The following RASAL3 variants were observed in gnomAD, a reference collection of about 807,000 sequenced individuals.
The protein encoded by RASAL3 is RAS protein activator like 3.
Under a neutral mutation model 105.5 loss-of-function variants are expected in RASAL3, and 74 were observed. That is an observed-to-expected ratio of 0.70 (90% CI 0.58 to 0.85). RASAL3 has a LOEUF of 0.85. Among genes scored for constraint, RASAL3 ranks in the 40% least tolerant of loss-of-function variants. The pLI, the probability that RASAL3 is intolerant of heterozygous loss-of-function variation, is 0.00. For missense variants in RASAL3, 1,352 were observed against 1,392.0 expected (o/e 0.97, Z 0.46); for synonymous variants, 579 against 591.6 (o/e 0.98, Z 0.31).
intron 11 of RASAL3, among the ~76,000 whole-genome samples, 172 bp from the exon 12 acceptor site, chr19:15,455,065 A>G (rs1970277046): frequency 2.0e-5 from 3 of 152,170 alleles, no homozygotes. Context: ...TCTGGGCTCT[A>G]GGATTGGGAA....
At position 15,461,124 on chromosome 19, in the gene RASAL3, G is replaced by A; in HGVS notation, c.545-3C>T. 6.2e-7 allele frequency: 1 copy of A among 1,613,898 alleles called. No homozygotes were observed. Among genetic ancestry groups the A allele is most frequent in the Non-Finnish European group, 8.5e-7 (1 of 1,179,858 alleles). ...TTCTGTTTTTCCAGGCATCCGATCT[G>A]TGGGTCGTTATGGGTGGCAGGTTGG... On this transcript the variant is annotated splice_polypyrimidine_tract_variant and splice_region_variant and intron_variant, in intron 4 of 17. Coordinates refer to ENST00000343625, the MANE Select transcript of RASAL3 (RefSeq NM_022904.3).
chr19:15,457,555 G>C lies in RASAL3; in HGVS notation c.1168C>G (p.Leu390Val). 1 of 1,161,020 alleles carries C rather than the reference G, an allele frequency of 8.6e-7. No individual in the cohort carries two copies. Among genetic ancestry groups the C allele is most frequent in the Non-Finnish European group, 1.1e-6 (1 of 938,542 alleles). The allele number at this position is 1,161,020 out of a possible 1,614,324, so 71.9% of individuals were successfully genotyped here. A position where few individuals can be genotyped will look rare whatever the true frequency, so the allele number is the denominator to read the frequency against. Residue 390 changes from leucine (L) to valine (V), a missense_variant, in exon 9 of 18, where the codon CTG becomes GTG. Physicochemically the swap from Leu to Val is conservative, Grantham distance 32. This residue lies in a region of RASAL3 where 920 missense variants were observed against 919.6 expected (regional missense o/e 1.00). Coordinates refer to ENST00000343625, the MANE Select transcript of RASAL3 (RefSeq NM_022904.3). The surrounding 1 kb of genome is among the most constrained non-coding windows in gnomAD (Gnocchi z 8.6). Reference protein sequence around the residue: ...LGRVALALEELDAPRAPAAGL... With the variant: ...LGRVALALEEVDAPRAPAAGL... Reference sequence around the variant, plus strand: ...GCGGCAGGCGCGCGTGGGGCGTCCAGCTCCTCCAGCGCCAGGGCCACGCGG... The same window carrying C: ...GCGGCAGGCGCGCGTGGGGCGTCCACCTCCTCCAGCGCCAGGGCCACGCGG...
In RASAL3 at chr19:15,453,285, G is replaced by A. The variant is rs1321563744; in HGVS notation, c.2492C>T (p.Ser831Phe). ...PVRRPARRRQ[S>F]AGPWPRPKGS... ...TTTGGGTCGCGGCCAGGGCCCCGCA[G>A]ATTGGCGGCGGCGGGCAGGACGCCG... The change falls in exon 15 of 18, where the codon TCT (serine) becomes TTT (phenylalanine). Residue 831 changes from serine to phenylalanine, a missense_variant. Ser to Phe is a radical substitution (Grantham distance 155). This residue lies in a region of RASAL3 where 920 missense variants were observed against 919.6 expected (regional missense o/e 1.00). Coordinates refer to ENST00000343625, the MANE Select transcript of RASAL3 (RefSeq NM_022904.3). This position sits in a 1 kb window ranked among gnomAD's most constrained non-coding sequence, Gnocchi z 4.2. 6.6e-7 allele frequency: 1 copy of A among 1,521,042 alleles called. No individual in the cohort carries two copies. The highest frequency in any genetic ancestry group is 2.5e-5 in the East Asian group (1 of 40,612). The allele number at this position is 1,521,042 out of a possible 1,614,324, so 94.2% of individuals were successfully genotyped here.
Position 15,453,807 on chromosome 19 carries a change from G to A in RASAL3, c.2280-310C>T, listed in dbSNP as rs1335364486. ...AGATGGGGTCTCCCTATGTTGCCCA[G>A]GCTTGTCTTAAGTTCCTGGCCTCAA... On this transcript the variant is annotated intron_variant, in intron 14 of 17. Coordinates refer to ENST00000343625, the MANE Select transcript of RASAL3 (RefSeq NM_022904.3). This position sits in a 1 kb window ranked among gnomAD's most constrained non-coding sequence, Gnocchi z 4.2. Among the ~76,000 whole-genome samples the A allele has an allele frequency of 6.6e-6, 1 of 151,358 alleles. No homozygotes were observed. Among genetic ancestry groups the A allele is most frequent in the African/African-American group, 2.4e-5 (1 of 41,130 alleles).
At chr19:15,455,608 G>C (rs943882273) in intron 11 of RASAL3, among the ~76,000 whole-genome samples, 3 of 152,202 alleles carry the variant, frequency 2.0e-5, no homozygotes, top group African/African-American at 7.2e-5. Context: ...TGCAGCAAAC[G>C]AAACTTCAGG....
chr19:15,462,347 G>A (rs182380536), intron 2 of RASAL3, among the ~76,000 whole-genome samples: 3 of 152,024 alleles, frequency 2.0e-5, no homozygotes, highest in Admixed American at 6.6e-5. Context: ...TTAGCCAGGC[G>A]TGGTGGCACA....
At position 15,451,677 on chromosome 19, in the gene RASAL3, G is replaced by C. The variant is rs973981278; in HGVS notation, c.*118C>G. 5 of 1,111,912 alleles carry C rather than the reference G, an allele frequency of 4.5e-6. No homozygotes were observed. The highest frequency in any genetic ancestry group is 2.3e-5 in the Admixed American group (1 of 42,750). The allele number at this position is 1,111,912 out of a possible 1,614,324, so 68.9% of individuals were successfully genotyped here. On this transcript the variant is annotated 3_prime_UTR_variant, in exon 18 of 18. Transcript: ENST00000343625. ...AACTTCATACTGCCAGAGTGGTTGGGACCAGCAGCTCCACTCCCCACTGTA... is the reference window on the plus strand; with the variant it reads ...AACTTCATACTGCCAGAGTGGTTGGCACCAGCAGCTCCACTCCCCACTGTA...
At chr19:15,461,372 A>G in intron 3 of RASAL3, 76 bp from the exon 4 acceptor site, 2 of 1,536,682 alleles carry the variant, frequency 1.3e-6, no homozygotes, top group African/African-American at 1.4e-5. Context: ...AGGGAGAGGC[A>G]GACACCTTCC....
chr19:15,453,752 T>C lies in RASAL3; in HGVS notation c.2280-255A>G, dbSNP rs1970232408. ...CTAGGACTACCAGCACATGCCACTA[T>C]ACCCAGGTAATTTTTTTTTTTTTTG... is the stretch of plus-strand genomic sequence containing the variant. On this transcript the variant is annotated intron_variant, in intron 14 of 17. Coordinates refer to ENST00000343625, the MANE Select transcript of RASAL3 (RefSeq NM_022904.3). The surrounding 1 kb of genome is among the most constrained non-coding windows in gnomAD (Gnocchi z 4.2). Among the ~76,000 whole-genome samples the C allele has an allele frequency of 6.6e-6, 1 of 151,586 alleles. No individual in the cohort carries two copies. The highest frequency in any genetic ancestry group is 2.4e-5 in the African/African-American group (1 of 41,168).
chr19:15,454,245 GGT>G lies in RASAL3; in HGVS notation c.2181_2182del (p.Glu727AspfsTer10). 1 of 1,565,508 alleles carries G rather than the reference GGT, an allele frequency of 6.4e-7. No homozygotes were observed. Among genetic ancestry groups the G allele is most frequent in the South Asian group, 1.2e-5 (1 of 85,256 alleles). ...AATGGCTCGCAGGATGGTGGGCAGT[GGT>G]TCCAGGGTGTCTCGGGTTGTCTGGT... is the stretch of plus-strand genomic sequence containing the variant. On this transcript the variant is annotated frameshift_variant, in exon 14 of 18. Transcript: ENST00000343625. LOFTEE classifies it high-confidence loss of function.
At chr19:15,458,056 A>G (rs1211004926) in intron 8 of RASAL3, 1 of 639,062 alleles carries the variant, frequency 1.6e-6, no homozygotes, top group African/African-American at 1.8e-5. Flanking sequence ...TCCAGGGCAT[A>G]CAAGAGTAGT....
rs369013391 is a variant in RASAL3, at chr19:15,461,138, G to A, written c.545-17C>T. ...GCATCCGATCTGTGGGTCGTTATGG[G>A]TGGCAGGTTGGGGGGTTGGATTCTG... On this transcript the variant is annotated splice_polypyrimidine_tract_variant and intron_variant, in intron 4 of 17. Transcript: ENST00000343625. 2.1e-5 allele frequency: 34 copies of A among 1,613,746 alleles called. 1 individual carries two copies. Among genetic ancestry groups the A allele is most frequent in the African/African-American group, 2.0e-4 (15 of 74,912 alleles).
At position 15,457,082 on chromosome 19, in the gene RASAL3, C is replaced by A. The variant is rs1196958967; in HGVS notation, c.1431+210G>T. Among the ~76,000 whole-genome samples, 1 of 151,556 alleles carries A rather than the reference C, an allele frequency of 6.6e-6. No individual in the cohort carries two copies. The highest frequency in any genetic ancestry group is 1.9e-4 in the East Asian group (1 of 5,140). ...GCCCTTCAAGGTGCCCCGCCCCTTACGGGTGATGTTCAGGCCCCGCCCTTC... is the reference window on the plus strand; with the variant it reads ...GCCCTTCAAGGTGCCCCGCCCCTTAAGGGTGATGTTCAGGCCCCGCCCTTC... On this transcript the variant is annotated intron_variant, in intron 9 of 17. Transcript: ENST00000343625. The surrounding 1 kb of genome is among the most constrained non-coding windows in gnomAD (Gnocchi z 8.6).
At chr19:15,461,377 C>T in intron 3 of RASAL3, 81 bp from the exon 4 acceptor site, 2 of 1,529,476 alleles carry the variant, frequency 1.3e-6, no homozygotes, top group South Asian at 1.2e-5. Flanking sequence ...GAGGCAGACA[C>T]CTTCCCATTA....
chr19:15,463,081 CT>C (rs527514253), intron 2 of RASAL3, among the ~76,000 whole-genome samples: 2,101 of 143,810 alleles, frequency 0.015, 31 homozygotes, highest in South Asian at 0.044. Flanking sequence ...TTTTTTCTTT[CT>C]TTTTTTTTTT....
At chr19:15,454,108 C>G in intron 14 of RASAL3, 41 bp downstream of exon 14, 8 of 1,436,338 alleles carry the variant, frequency 5.6e-6, no homozygotes, top group Non-Finnish European at 7.6e-6. Flanking sequence ...CTGCTCCTTC[C>G]TGTTCCCACC....
In RASAL3 at chr19:15,457,285, G is replaced by T. The variant is rs556309116; in HGVS notation, c.1431+7C>A. On this transcript the variant is annotated splice_region_variant and intron_variant, in intron 9 of 17. Transcript: ENST00000343625. This position sits in a 1 kb window ranked among gnomAD's most constrained non-coding sequence, Gnocchi z 8.6. ...TAGCCCCGGTCCGCGCTGTCGCGGT[G>T]CCGCACCTGCGCCCGGCCGGTGGCC... 8.1e-5 allele frequency: 104 copies of T among 1,285,634 alleles called. 1 individual carries two copies. The South Asian group carries it at 2.0e-3, about 25-fold the overall frequency. 79.6% of individuals were successfully genotyped at this position (1,285,634 alleles called of 1,614,324 possible). A position where few individuals can be genotyped will look rare whatever the true frequency, so the allele number is the denominator to read the frequency against.
At chr19:15,460,364 A>G (rs890175598) in intron 5 of RASAL3, 106 bp from the exon 6 acceptor site, 7 of 969,874 alleles carry the variant, frequency 7.2e-6, no homozygotes, top group Non-Finnish European at 9.5e-6. Context: ...GACCAACACC[A>G]AGCTCAGGCT....
chr19:15,460,378 T>C (rs1247066752), intron 5 of RASAL3, 120 bp from the exon 6 acceptor site: 1 of 861,494 alleles, frequency 1.2e-6, no homozygotes, highest in Non-Finnish European at 1.9e-6. Flanking sequence ...TCAGGCTGTA[T>C]TAGCAGGAAT....
Sources: allele counts gnomAD v4.1 joint callset (sites outside exome capture counted in the v4.1 genomes callset), GRCh38; gene constraint gnomAD v4.1.1; regional missense constraint gnomAD v4.1.1; non-coding constraint Gnocchi (gnomAD v3.1); transcripts MANE v1.5; gene names NCBI Gene and HGNC (gene_info 2026-07-23, HGNC 2026-07-21).